LRP1B: variants seen among roughly 807,000 people sequenced by gnomAD.
LRP1B encodes the protein low-density lipoprotein receptor-related protein 1B.
LRP1B carries 217 observed loss-of-function variants against 556.6 expected under a neutral mutation model. The observed-to-expected ratio is 0.39, with a 90% CI of 0.35 to 0.44. The LOEUF (loss-of-function observed/expected upper bound fraction) is 0.44. Ranked by LOEUF, LRP1B falls within the 20% of genes least tolerant of loss-of-function variation. The probability of loss-of-function intolerance (pLI) is 1.00; values close to 1 mark genes in which losing one functional copy is unlikely to be tolerated. For missense variants in LRP1B, 5,053 were observed against 5,620.8 expected, an observed-to-expected ratio of 0.90 and a Z score of 3.23; for synonymous variants, 2,047 against 1,865.8, an observed-to-expected ratio of 1.10 and a Z score of -2.50.
chr2:140,373,173 A>C (rs1488752816), intron 68 of LRP1B, 36 bp from the exon 69 acceptor site: 1 of 1,594,194 alleles, frequency 6.3e-7, no homozygotes, highest in Non-Finnish European at 8.6e-7. Flanking sequence ...CAAAATTAAA[A>C]TTTTAGAAAC....
chr2:141,318,958 A>G (rs1451182666), intron 3 of LRP1B, among the ~76,000 whole-genome samples: 1 of 152,182 alleles, frequency 6.6e-6, no homozygotes, highest in Admixed American at 6.6e-5. Flanking sequence ...CAATTTTACT[A>G]TAGCCTTCTT....
At chr2:140,952,264 A>G (rs915330797) in intron 18 of LRP1B, among the ~76,000 whole-genome samples, 2 of 152,030 alleles carry the variant, frequency 1.3e-5, no homozygotes, top group African/African-American at 4.8e-5. Context: ...CACTCAGTGG[A>G]TAACAGCTAT....
chr2:140,371,689 T>G (rs1217118498), intron 69 of LRP1B, among the ~76,000 whole-genome samples: 12 of 151,884 alleles, frequency 7.9e-5, no homozygotes, highest in Admixed American at 5.3e-4. Context: ...TGTAATAATA[T>G]TTAGCAACCT....
intron 1 of LRP1B, among the ~76,000 whole-genome samples, chr2:142,065,869 C>T (rs1307179856): frequency 6.6e-6 from 1 of 151,342 alleles, no homozygotes; most frequent in Non-Finnish European, 1.5e-5. Context: ...ATTGAAAAGT[C>T]TCATTGAAAT....
chr2:140,291,298 T>TTTTATATATATATATATATATATATATA (rs1683362734), intron 84 of LRP1B, among the ~76,000 whole-genome samples: 1 of 72,000 alleles, frequency 1.4e-5, no homozygotes, highest in Non-Finnish European at 3.6e-5. Flanking sequence ...AAATTTTATT[T>TTTTATATATATATATATATATATATATA]TATATATATA....
At chr2:140,730,887 C>T (rs990297043) in intron 35 of LRP1B, among the ~76,000 whole-genome samples, 3 of 152,084 alleles carry the variant, frequency 2.0e-5, no homozygotes, top group African/African-American at 4.8e-5. Context: ...CCAGAGTGTG[C>T]GCCTTGCTCC....
chr2:141,951,151 A>G (rs1309260551), intron 1 of LRP1B, among the ~76,000 whole-genome samples: 1 of 152,022 alleles, frequency 6.6e-6, no homozygotes, highest in South Asian at 2.1e-4. Flanking sequence ...CTTTCACATT[A>G]TGCTTTCTTC....
At chr2:141,821,392 T>A (rs1428143680) in intron 1 of LRP1B, among the ~76,000 whole-genome samples, 1 of 152,214 alleles carries the variant, frequency 6.6e-6, no homozygotes, top group Non-Finnish European at 1.5e-5. Context: ...CCTTAGTCGC[T>A]TTCTTTTAGT....
At chr2:141,327,902 C>T (rs2683865) in intron 3 of LRP1B, among the ~76,000 whole-genome samples, 89,061 of 151,074 alleles carry the variant, frequency 0.59, 27,215 homozygotes, top group African/African-American at 0.71. Context: ...GAGAGAGAGA[C>T]AGACCGACCG....
At chr2:141,454,309 A>C (rs542368010) in intron 3 of LRP1B, among the ~76,000 whole-genome samples, 24 of 152,266 alleles carry the variant, frequency 1.6e-4, no homozygotes, top group African/African-American at 5.8e-4. Context: ...TTCTGATTTG[A>C]TATTAAAGAA....
chr2:141,730,828 C>T (rs1309336256), intron 2 of LRP1B, among the ~76,000 whole-genome samples: 1 of 152,190 alleles, frequency 6.6e-6, no homozygotes, highest in Admixed American at 6.6e-5. Flanking sequence ...ACCCTGAATA[C>T]TAAGCTTCAT....
intron 3 of LRP1B, among the ~76,000 whole-genome samples, chr2:141,375,532 G>A (rs942334586): frequency 3.3e-5 from 5 of 151,976 alleles, no homozygotes; most frequent in African/African-American, 7.3e-5. Context: ...TGTCTTGGGC[G>A]GGCTACTCTC....
chr2:141,138,027 C>T (rs1701534135), intron 7 of LRP1B, among the ~76,000 whole-genome samples: 1 of 151,692 alleles, frequency 6.6e-6, no homozygotes, highest in Admixed American at 6.6e-5. Context: ...AAATTTAGAT[C>T]CAAGATTTCG....
At chr2:141,832,344 C>G (rs1415170552) in intron 1 of LRP1B, among the ~76,000 whole-genome samples, 1 of 150,496 alleles carries the variant, frequency 6.6e-6, no homozygotes, top group African/African-American at 2.5e-5. Flanking sequence ...CACACACACA[C>G]ACACACACAC....
At chr2:141,963,545 C>A (rs569701327) in intron 1 of LRP1B, among the ~76,000 whole-genome samples, 2 of 151,668 alleles carry the variant, frequency 1.3e-5, no homozygotes, top group East Asian at 3.9e-4. Flanking sequence ...ATTCAACAAC[C>A]CTTCATGCTA....
At chr2:142,028,238 A>G (rs1703572351) in intron 1 of LRP1B, among the ~76,000 whole-genome samples, 1 of 151,976 alleles carries the variant, frequency 6.6e-6, no homozygotes, top group African/African-American at 2.4e-5. Context: ...AAAGTCTGTG[A>G]GTCTGACAAA....
intron 66 of LRP1B, among the ~76,000 whole-genome samples, chr2:140,434,739 T>G (rs6709363): frequency 0.088 from 13,416 of 152,198 alleles, 983 homozygotes; most frequent in East Asian, 0.24. Context: ...TATACCCCTC[T>G]GTTTAGTATA....
intron 2 of LRP1B, among the ~76,000 whole-genome samples, chr2:141,746,441 A>G (rs1323016806): frequency 6.6e-6 from 1 of 152,096 alleles, no homozygotes; most frequent in East Asian, 1.9e-4. Flanking sequence ...CACTGAGTTC[A>G]AAGCAGTATC....
intron 62 of LRP1B, among the ~76,000 whole-genome samples, chr2:140,455,452 C>A (rs1266750335): frequency 6.6e-6 from 1 of 152,120 alleles, no homozygotes; most frequent in African/African-American, 2.4e-5. Context: ...ATATTATAAT[C>A]CCATTTAAAA....
Sources: gnomAD v4.1 joint callset for allele counts (sites outside exome capture counted in the v4.1 genomes callset) on GRCh38, gnomAD v4.1.1 for gene constraint, MANE v1.5 for transcripts, NCBI Gene and HGNC (gene_info 2026-07-23, HGNC 2026-07-21) for gene names.